Variants in PGM5 observed in about 807,000 individuals in gnomAD.
PGM5 encodes the protein phosphoglucomutase 5.
A neutral mutation model predicts 59.2 loss-of-function variants in PGM5; 23 were observed. That is an observed-to-expected ratio of 0.39 (90% CI 0.28 to 0.55). PGM5 has a LOEUF of 0.55. Among genes scored for constraint, PGM5 ranks in the 20% least tolerant of loss-of-function variants. PGM5 has a pLI of 0.66. For missense variants in PGM5, 574 were observed against 748.3 expected (o/e 0.77, Z 2.72); for synonymous variants, 214 against 286.0 (o/e 0.75, Z 2.54).
At chr9:68,404,540 C>T (rs182045526) in intron 6 of PGM5, among the ~76,000 whole-genome samples, 201 of 152,254 alleles carry the variant, frequency 1.3e-3, no homozygotes, top group Middle Eastern at 0.01. Context: ...ATATGAGATG[C>T]CCGAGCCTAG....
At chr9:68,504,719 A>AT in intron 10 of PGM5, among the ~76,000 whole-genome samples, 1 of 152,042 alleles carries the variant, frequency 6.6e-6, no homozygotes, top group Non-Finnish European at 1.5e-5. Flanking sequence ...ATATATATAT[A>AT]TTTATTTTAT....
intron 9 of PGM5, chr9:68,497,796 A>G (rs1182867441): frequency 6.6e-6 from 1 of 151,936 alleles, no homozygotes; most frequent in Non-Finnish European, 1.5e-5. Context: ...GCCCCTGCCA[A>G]TATGCTTATT....
At chr9:68,396,629 T>G (rs1393702916) in intron 6 of PGM5, 3 of 152,854 alleles carry the variant, frequency 2.0e-5, no homozygotes, top group Non-Finnish European at 4.4e-5. Flanking sequence ...TGCTTGCTGG[T>G]TGGGAATCAG....
chr9:68,396,940 G>A (rs1277607697), intron 6 of PGM5: 1 of 152,242 alleles, frequency 6.6e-6, no homozygotes, highest in Non-Finnish European at 1.5e-5. Context: ...ATAAGGGGAG[G>A]CCTGTACCCT....
intron 6 of PGM5, among the ~76,000 whole-genome samples, chr9:68,460,394 C>T (rs1823841490): frequency 6.6e-6 from 1 of 152,156 alleles, no homozygotes; most frequent in Non-Finnish European, 1.5e-5. Flanking sequence ...TTTGTATCTA[C>T]TATCCTGTTT....
intron 1 of PGM5, among the ~76,000 whole-genome samples, chr9:68,376,319 A>AT (rs1821881230): frequency 6.6e-6 from 1 of 152,128 alleles, no homozygotes; most frequent in Admixed American, 6.5e-5. Context: ...ATTCTCTATT[A>AT]TAGCAGTCTA....
chr9:68,444,979 T>C (rs1341843755), intron 6 of PGM5, among the ~76,000 whole-genome samples: 2 of 152,220 alleles, frequency 1.3e-5, no homozygotes, highest in African/African-American at 4.8e-5. Context: ...TTACTCTGCC[T>C]GGAGCTTTGC....
intron 9 of PGM5, among the ~76,000 whole-genome samples, chr9:68,487,447 C>CTCTCTCTG (rs10648860): frequency 0.11 from 16,518 of 146,578 alleles, 939 homozygotes; most frequent in Middle Eastern, 0.15. Flanking sequence ...CTCTCTCTCT[C>CTCTCTCTG]TGTGTCACAC....
chr9:68,468,208 G>A (rs1823966881), intron 7 of PGM5, among the ~76,000 whole-genome samples: 1 of 152,080 alleles, frequency 6.6e-6, no homozygotes. Context: ...AAGACCCGGT[G>A]TCTGTTGTTT....
chr9:68,478,850 C>G (rs1587823431), intron 7 of PGM5, among the ~76,000 whole-genome samples: 1 of 152,212 alleles, frequency 6.6e-6, no homozygotes, highest in South Asian at 2.1e-4. Flanking sequence ...GTCACATTCA[C>G]AGGTTCCAGG....
chr9:68,357,165 C>T lies in PGM5; in HGVS notation c.38C>T (p.Thr13Ile). ...CCCATCCCGGTGCTGACAGTGCCCACCGCGCCCTACGAGGACCAGCGGCCG... is the reference window on the plus strand; with the variant it reads ...CCCATCCCGGTGCTGACAGTGCCCATCGCGCCCTACGAGGACCAGCGGCCG... ...GSPIPVLTVP[T>I]APYEDQRPAG... Residue 13 changes from threonine (T) to isoleucine (I), a missense_variant, in exon 1 of 11, where the codon ACC (threonine) becomes ATC (isoleucine). Thr to Ile is a moderately conservative substitution (Grantham distance 89, BLOSUM62 -1). This residue lies in a region of PGM5 where 60 missense variants were observed against 71.0 expected (regional missense o/e 0.85). Transcript: ENST00000396396. 1 of 1,536,010 alleles carries T rather than the reference C, an allele frequency of 6.5e-7. No individual in the cohort carries two copies. Among genetic ancestry groups the T allele is most frequent in the Non-Finnish European group, 8.7e-7 (1 of 1,145,190 alleles).
At chr9:68,477,063 C>T (rs1824119406) in intron 7 of PGM5, among the ~76,000 whole-genome samples, 1 of 152,028 alleles carries the variant, frequency 6.6e-6, no homozygotes, top group African/African-American at 2.4e-5. Flanking sequence ...TGTTTTTTGG[C>T]AGTTGGCCAT....
intron 9 of PGM5, among the ~76,000 whole-genome samples, chr9:68,485,786 C>A (rs1824284560): frequency 6.6e-6 from 1 of 152,164 alleles, no homozygotes; most frequent in Non-Finnish European, 1.5e-5. Context: ...TTCCTTTTCC[C>A]AGATTCCAGG....
At chr9:68,457,509 G>A (rs1217928743) in intron 6 of PGM5, among the ~76,000 whole-genome samples, 2 of 152,222 alleles carry the variant, frequency 1.3e-5, no homozygotes, top group African/African-American at 4.8e-5. Context: ...TTCTTTTAGA[G>A]TGAGTATCCA....
At chr9:68,401,923 GTGTGTGTA>G (rs782677109) in intron 6 of PGM5, among the ~76,000 whole-genome samples, 1,193 of 70,130 alleles carry the variant, frequency 0.017, 7 homozygotes, top group South Asian at 0.047. Flanking sequence ...GTGTGTGTGT[GTGTGTGTA>G]TATATTTGTC....
At chr9:68,495,491 T>G (rs1824468352) in intron 9 of PGM5, among the ~76,000 whole-genome samples, 1 of 152,248 alleles carries the variant, frequency 6.6e-6, no homozygotes, top group African/African-American at 2.4e-5. Flanking sequence ...TTCCTAATAC[T>G]TGGCTCTTGA....
chr9:68,522,344 G>A (rs1824911928), intron 10 of PGM5, among the ~76,000 whole-genome samples: 1 of 152,296 alleles, frequency 6.6e-6, no homozygotes, highest in East Asian at 1.9e-4. Context: ...ATGGGGATGA[G>A]AATGAGGAAG....
At chr9:68,407,966 A>G (rs1394837045) in intron 6 of PGM5, among the ~76,000 whole-genome samples, 1 of 152,248 alleles carries the variant, frequency 6.6e-6, no homozygotes, top group Non-Finnish European at 1.5e-5. Context: ...ATTTATCATT[A>G]TTATGGCTGT....
chr9:68,492,732 T>G (rs577097945), intron 9 of PGM5, among the ~76,000 whole-genome samples: 12 of 152,328 alleles, frequency 7.9e-5, no homozygotes, highest in Non-Finnish European at 1.6e-4. Context: ...CAACCACTTT[T>G]GGACTCATGC....
Sources: allele counts gnomAD v4.1 joint callset (sites outside exome capture counted in the v4.1 genomes callset), GRCh38; gene constraint gnomAD v4.1.1; regional missense constraint gnomAD v4.1.1; transcripts MANE v1.5; gene names NCBI Gene and HGNC (gene_info 2026-07-23, HGNC 2026-07-21).